The following NBAS variants were observed in gnomAD, a reference collection of about 807,000 sequenced individuals.
NBAS encodes the protein NBAS subunit of NRZ tethering complex.
Under a neutral mutation model 302.5 loss-of-function variants are expected in NBAS, and 219 were observed. The ratio of observed to expected loss-of-function variants is 0.72; its 90% CI spans 0.65 to 0.81. The LOEUF (loss-of-function observed/expected upper bound fraction) is 0.81, where lower values mean the gene tolerates loss of function less well. Among genes scored for constraint, NBAS ranks in the 30% least tolerant of loss-of-function variants. The probability of loss-of-function intolerance (pLI) is 0.00; values close to 1 mark genes in which losing one functional copy is unlikely to be tolerated. For synonymous variants in NBAS, 1,118 were observed against 1,021.6 expected (o/e 1.09, Z -1.80); for missense variants, 2,932 against 2,841.6 (o/e 1.03, Z -0.72).
At chr2:15,427,688 G>A in intron 22 of NBAS, 23 bp downstream of exon 22, 2 of 1,579,284 alleles carry the variant, frequency 1.3e-6, no homozygotes, top group Non-Finnish European at 1.7e-6. Flanking sequence ...AAACAAAGAT[G>A]CCTCCTGCAG....
chr2:15,366,537 A>T, intron 32 of NBAS, 43 bp downstream of exon 32: 1 of 1,532,078 alleles, frequency 6.5e-7, no homozygotes, highest in Non-Finnish European at 9.0e-7. Context: ...GTCAAGAATA[A>T]CATAGAAAGC....
chr2:15,294,336 C>T (rs1292908458), intron 40 of NBAS, among the ~76,000 whole-genome samples: 3 of 152,148 alleles, frequency 2.0e-5, no homozygotes, highest in Non-Finnish European at 4.4e-5. Flanking sequence ...GTGCTAACAC[C>T]TATATGGCTA....
Position 15,322,088 on chromosome 2 carries a change from G to A in NBAS, c.4582+5662C>T, listed in dbSNP as rs575352266. 5.2e-4 allele frequency among the ~76,000 whole-genome samples: 79 copies of A among 152,224 alleles called. No individual in the cohort carries two copies. The South Asian group carries it at 0.016, about 30-fold the overall frequency. On this transcript the variant is annotated intron_variant, in intron 38 of 51. Coordinates refer to ENST00000281513, the MANE Select transcript of NBAS (RefSeq NM_015909.4). The stretch of plus-strand genomic sequence containing the variant: ...AAATGATGAGTTCATGTCCTTTGTA[G>A]GGACATGGATGAAGCTGGAAGCCAT...
In NBAS at chr2:15,415,583, T is replaced by G; in HGVS notation, c.2900A>C (p.Lys967Thr). ...YLVTLAKGDL[K>T]FPLKIFQHSK... ...ATGCTGAAATATCTTCAGGGGAAATTTTAAGTCCCCTTTAGCTAAAGTTAC... is the reference window on the plus strand; with the variant it reads ...ATGCTGAAATATCTTCAGGGGAAATGTTAAGTCCCCTTTAGCTAAAGTTAC... Residue 967 changes from lysine to threonine, a missense_variant, in exon 25 of 52, where the codon AAA (lysine) becomes ACA (threonine). Physicochemically the swap from Lys to Thr is moderately conservative, Grantham distance 78. Transcript: ENST00000281513. The G allele has an allele frequency of 6.2e-7, 1 of 1,614,086 alleles. No individual in the cohort carries two copies. Among genetic ancestry groups the G allele is most frequent in the East Asian group, 2.2e-5 (1 of 44,870 alleles).
intron 44 of NBAS, among the ~76,000 whole-genome samples, chr2:15,274,439 A>G (rs1669475200): frequency 1.3e-5 from 2 of 152,150 alleles, no homozygotes; most frequent in South Asian, 4.1e-4. Flanking sequence ...ATGGCAAGAG[A>G]GAAGATTAAA....
the NBAS span, among the ~76,000 whole-genome samples, chr2:15,036,797 T>C: frequency 6.6e-6 from 1 of 152,192 alleles, no homozygotes; most frequent in African/African-American, 2.4e-5. Flanking sequence ...AGCTTGCAAA[T>C]GCAGACCTTG....
rs754255012 is a variant in NBAS, at chr2:15,483,346, T to A, written c.1084-5057A>T. Reference sequence around the variant, plus strand: ...CATCTTCCCACTTACTCTTCATTCATCTACTTAAGATTAGTCCAACACCTA... The same window carrying A: ...CATCTTCCCACTTACTCTTCATTCAACTACTTAAGATTAGTCCAACACCTA... On this transcript the variant is annotated intron_variant, in intron 12 of 51. Coordinates refer to ENST00000281513, the MANE Select transcript of NBAS (RefSeq NM_015909.4). The A allele has an allele frequency of 1.4e-4, 62 of 439,958 alleles. No individual in the cohort carries two copies. The Middle Eastern group carries it at 1.7e-3, about 12-fold the overall frequency. The allele number at this position is 439,958 out of a possible 1,614,324, so 27.3% of individuals were successfully genotyped here. A position where few individuals can be genotyped will look rare whatever the true frequency, so the allele number is the denominator to read the frequency against.
At chr2:15,070,901 G>A in the NBAS span, among the ~76,000 whole-genome samples, 1 of 152,144 alleles carries the variant, frequency 6.6e-6, no homozygotes, top group Admixed American at 6.5e-5. Flanking sequence ...ACCTACATGG[G>A]CCATGACATG....
At chr2:15,229,594 C>G (rs1667295170) in intron 47 of NBAS, among the ~76,000 whole-genome samples, 2 of 151,512 alleles carry the variant, frequency 1.3e-5, no homozygotes, top group African/African-American at 4.8e-5. Context: ...CCAGACTGAC[C>G]AACATGGCAA....
chr2:15,247,071 G>A (rs919135112), intron 44 of NBAS, among the ~76,000 whole-genome samples: 2 of 152,158 alleles, frequency 1.3e-5, no homozygotes, highest in Non-Finnish European at 2.9e-5. Flanking sequence ...AAGAAAGGAG[G>A]AATGTGAAGA....
the NBAS span, among the ~76,000 whole-genome samples, chr2:14,925,168 A>C: frequency 7.9e-5 from 12 of 152,200 alleles, no homozygotes; most frequent in Non-Finnish European, 7.3e-5. Flanking sequence ...AGAAAACACT[A>C]CTATGGCACT....
intron 47 of NBAS, among the ~76,000 whole-genome samples, chr2:15,226,820 A>G (rs1286816769): frequency 1.3e-5 from 2 of 152,200 alleles, no homozygotes; most frequent in Non-Finnish European, 2.9e-5. Context: ...TGGAGTCGTC[A>G]GGATTTTCTA....
At chr2:15,041,230 C>T in the NBAS span, among the ~76,000 whole-genome samples, 17 of 152,214 alleles carry the variant, frequency 1.1e-4, no homozygotes, top group African/African-American at 3.9e-4. Flanking sequence ...AGAGCTGAGT[C>T]CCATGGGGGA....
At chr2:15,234,117 G>A (rs1157118692) in intron 46 of NBAS, among the ~76,000 whole-genome samples, 1 of 152,190 alleles carries the variant, frequency 6.6e-6, no homozygotes, top group Non-Finnish European at 1.5e-5. Context: ...AACTTCATCA[G>A]TGTATGATCA....
At chr2:14,965,610 T>C in the NBAS span, among the ~76,000 whole-genome samples, 1 of 152,184 alleles carries the variant, frequency 6.6e-6, no homozygotes, top group African/African-American at 2.4e-5. Flanking sequence ...GAAGAAAATA[T>C]GACTAATTCT....
chr2:15,113,539 G>A, the NBAS span, among the ~76,000 whole-genome samples: 1 of 152,068 alleles, frequency 6.6e-6, no homozygotes, highest in Admixed American at 6.6e-5. Context: ...TCTACCAGGT[G>A]ATATCAAAGG....
At chr2:15,190,934 C>T (rs927273112) in intron 48 of NBAS, among the ~76,000 whole-genome samples, 11 of 152,064 alleles carry the variant, frequency 7.2e-5, no homozygotes, top group South Asian at 2.1e-4. Context: ...ACCTCCATTT[C>T]GAATGAAAAA....
the NBAS span, among the ~76,000 whole-genome samples, chr2:14,925,295 T>C: frequency 3.9e-5 from 6 of 152,344 alleles, no homozygotes; most frequent in South Asian, 1.2e-3. Context: ...CTGGGATCTC[T>C]GGACATTGCC....
chr2:15,034,096 G>T, the NBAS span, among the ~76,000 whole-genome samples: 1 of 147,514 alleles, frequency 6.8e-6, no homozygotes, highest in Admixed American at 6.8e-5. Flanking sequence ...AGAAGAGGAG[G>T]AGGAGAAGGA....
Sources: allele counts gnomAD v4.1 joint callset (sites outside exome capture counted in the v4.1 genomes callset), GRCh38; gene constraint gnomAD v4.1.1; transcripts MANE v1.5; gene names NCBI Gene and HGNC (gene_info 2026-07-23, HGNC 2026-07-21).